TCF12: variants seen among roughly 807,000 people sequenced by gnomAD.
The protein encoded by TCF12 is transcription factor 12.
Under a neutral mutation model 86.0 loss-of-function variants are expected in TCF12, and 45 were observed. The observed-to-expected ratio is 0.52, with a 90% CI of 0.41 to 0.67. The LOEUF is 0.67. Among genes scored for constraint, TCF12 ranks in the 30% least tolerant of loss-of-function variants. The pLI is 0.00. For synonymous variants in TCF12, 330 were observed against 299.6 expected (o/e 1.10, Z -1.05); for missense variants, 881 against 859.9 (o/e 1.02, Z -0.31).
intron 13 of TCF12, among the ~76,000 whole-genome samples, chr15:57,249,962 C>G (rs545196268): frequency 6.6e-6 from 1 of 152,226 alleles, no homozygotes; most frequent in South Asian, 2.1e-4. Context: ...TGCCTTCTCT[C>G]TAACATATGG....
intron 3 of TCF12, among the ~76,000 whole-genome samples, chr15:57,060,656 A>G (rs2068393068): frequency 6.6e-6 from 1 of 152,246 alleles, no homozygotes; most frequent in Non-Finnish European, 1.5e-5. Context: ...TGATGAAAAT[A>G]ATATGGGAAT....
At position 57,025,404 on chromosome 15, in the gene TCF12, T is replaced by C. The variant is rs111840707; in HGVS notation, c.149-38346T>C. ...CTGTGCCCTTTTCACTAAAATCACA[T>C]TTATTGAGGTTTCTTTGGGGCACTC... is the stretch of plus-strand genomic sequence containing the variant. On this transcript the variant is annotated intron_variant, in intron 3 of 20. Transcript: ENST00000333725. Among the ~76,000 whole-genome samples, 22 of 152,206 alleles carry C rather than the reference T, an allele frequency of 1.4e-4. 4 individuals are homozygous for C. Among genetic ancestry groups the C allele is most frequent in the African/African-American group, 5.3e-4 (22 of 41,558 alleles).
intron 3 of TCF12, among the ~76,000 whole-genome samples, chr15:56,962,158 T>C (rs12439994): frequency 0.04 from 5,908 of 147,348 alleles, 360 homozygotes; most frequent in Admixed American, 0.16. Flanking sequence ...AAAAAAAATA[T>C]GTTTAATGGT....
At chr15:57,057,915 A>G (rs1300549516) in intron 3 of TCF12, among the ~76,000 whole-genome samples, 1 of 152,220 alleles carries the variant, frequency 6.6e-6, no homozygotes, top group Non-Finnish European at 1.5e-5. Flanking sequence ...TATGGAAGAA[A>G]ACACTGGCAT....
chr15:57,075,482 A>G (rs536483907), intron 4 of TCF12, among the ~76,000 whole-genome samples: 6 of 152,276 alleles, frequency 3.9e-5, no homozygotes, highest in East Asian at 1.9e-4. Flanking sequence ...TCATCAGTTT[A>G]TATTTCATAA....
At chr15:57,097,661 A>G (rs1288622419) in intron 5 of TCF12, among the ~76,000 whole-genome samples, 1 of 152,244 alleles carries the variant, frequency 6.6e-6, no homozygotes, top group Non-Finnish European at 1.5e-5. Flanking sequence ...CATAAGGATG[A>G]GGCCTTTTAC....
Position 57,198,783 on chromosome 15 carries a change from C to T in TCF12, c.579+958C>T, listed in dbSNP as rs572224017. On this transcript the variant is annotated intron_variant, in intron 8 of 20. Transcript: ENST00000333725. Reference sequence around the variant, plus strand: ...GTACTTAACCCATGGGCGCAGGTGCCGCCAGATGAGTCAGCTCATCGAAGT... The same window carrying T: ...GTACTTAACCCATGGGCGCAGGTGCTGCCAGATGAGTCAGCTCATCGAAGT... 7.2e-5 allele frequency among the ~76,000 whole-genome samples: 11 copies of T among 152,168 alleles called. No homozygotes were observed. The South Asian group carries it at 2.1e-3, about 29-fold the overall frequency.
intron 6 of TCF12, among the ~76,000 whole-genome samples, chr15:57,190,474 T>C (rs2056921004): frequency 6.6e-6 from 1 of 152,160 alleles, no homozygotes; most frequent in African/African-American, 2.4e-5. Context: ...GTATTAAATA[T>C]ATGATGGGGG....
At chr15:56,953,501 C>T (rs1246101480) in intron 3 of TCF12, among the ~76,000 whole-genome samples, 1 of 151,540 alleles carries the variant, frequency 6.6e-6, no homozygotes, top group Admixed American at 6.6e-5. Flanking sequence ...ATTATTTTCC[C>T]CTTAAATCTA....
intron 12 of TCF12, among the ~76,000 whole-genome samples, chr15:57,237,144 A>AGTGTGT (rs762819273): frequency 6.4e-4 from 87 of 135,454 alleles, no homozygotes; most frequent in African/African-American, 2.0e-3. Flanking sequence ...AAAGAGAGAG[A>AGTGTGT]GAGAGTGTGT....
intron 3 of TCF12, among the ~76,000 whole-genome samples, chr15:57,005,288 A>AT (rs1481173438): frequency 6.6e-6 from 1 of 152,160 alleles, no homozygotes; most frequent in African/African-American, 2.4e-5. Context: ...ACTCATGTAC[A>AT]TTTTTTTAAT....
At chr15:57,255,650 A>C (rs2060314011) in intron 16 of TCF12, among the ~76,000 whole-genome samples, 1 of 151,904 alleles carries the variant, frequency 6.6e-6, no homozygotes. Context: ...CGTCCGGCTA[A>C]TTTTTCTGTT....
intron 4 of TCF12, among the ~76,000 whole-genome samples, chr15:57,078,627 ATTTCT>A (rs140114405): frequency 0.082 from 12,503 of 152,146 alleles, 866 homozygotes; most frequent in Admixed American, 0.19. Flanking sequence ...GCATATTTTA[ATTTCT>A]TTAATTTCAT....
At chr15:57,207,176 C>A (rs1352934056) in intron 8 of TCF12, among the ~76,000 whole-genome samples, 2 of 152,052 alleles carry the variant, frequency 1.3e-5, no homozygotes, top group Non-Finnish European at 2.9e-5. Context: ...CGGTTCCAAC[C>A]CAAGTGTGAC....
chr15:57,085,554 A>G (rs181088712), intron 4 of TCF12, among the ~76,000 whole-genome samples: 141 of 152,322 alleles, frequency 9.3e-4, no homozygotes, highest in African/African-American at 3.3e-3. Flanking sequence ...GATCAAGTCA[A>G]CCCACTTGAC....
chr15:56,987,680 T>C (rs112333695), intron 3 of TCF12, among the ~76,000 whole-genome samples: 1 of 152,252 alleles, frequency 6.6e-6, no homozygotes, highest in Non-Finnish European at 1.5e-5. Context: ...TGAGATTAAA[T>C]TGTTTACCAA....
intron 3 of TCF12, among the ~76,000 whole-genome samples, chr15:56,946,652 T>G (rs1434156890): frequency 1.3e-5 from 2 of 152,064 alleles, no homozygotes; most frequent in African/African-American, 4.8e-5. Flanking sequence ...ACATAGTGAG[T>G]GTTACATTAT....
chr15:56,919,176 C>G (rs887596700), intron 1 of TCF12: 9 of 151,694 alleles, frequency 5.9e-5, no homozygotes, highest in African/African-American at 1.7e-4. Context: ...GGCTCCGGGG[C>G]GCGCGGGAGA....
intron 4 of TCF12, among the ~76,000 whole-genome samples, chr15:57,078,825 A>G (rs868206710): frequency 6.6e-6 from 1 of 152,174 alleles, no homozygotes; most frequent in African/African-American, 2.4e-5. Flanking sequence ...CAGACAAGAA[A>G]TCCATTTCGG....
Sources: gnomAD v4.1 joint callset for allele counts (sites outside exome capture counted in the v4.1 genomes callset) on GRCh38, gnomAD v4.1.1 for gene constraint, MANE v1.5 for transcripts, NCBI Gene and HGNC (gene_info 2026-07-23, HGNC 2026-07-21) for gene names.